The following DCC variants were observed in gnomAD, a reference collection of about 807,000 sequenced individuals.
DCC encodes DCC netrin 1 receptor.
Under a neutral mutation model 172.5 loss-of-function variants are expected in DCC, and 58 were observed. The ratio of observed to expected loss-of-function variants is 0.34; its 90% CI spans 0.27 to 0.42. The LOEUF (loss-of-function observed/expected upper bound fraction) is 0.42, where lower values mean the gene tolerates loss of function less well. DCC is among the 10% of genes least tolerant of loss of function. DCC has a pLI of 1.00. For synonymous variants in DCC, 709 were observed against 644.5 expected (o/e 1.10, Z -1.52); for missense variants, 1,740 against 1,791.0 (o/e 0.97, Z 0.51).
intron 1 of DCC, among the ~76,000 whole-genome samples, chr18:52,741,032 C>T (rs1451277510): frequency 2.0e-5 from 3 of 152,156 alleles, no homozygotes; most frequent in Non-Finnish European, 4.4e-5. Context: ...TAACGAGGGG[C>T]AGATCAGACA....
chr18:52,379,937 A>G (rs1215278903), intron 1 of DCC, among the ~76,000 whole-genome samples: 1 of 152,120 alleles, frequency 6.6e-6, no homozygotes, highest in Admixed American at 6.5e-5. Flanking sequence ...ATAGAAATTG[A>G]TTTCTCATAG....
intron 1 of DCC, among the ~76,000 whole-genome samples, chr18:52,495,154 G>C (rs1422022346): frequency 6.6e-6 from 1 of 152,074 alleles, no homozygotes. Flanking sequence ...CCAAAGGACT[G>C]TCAGAAAACT....
chr18:52,879,412 C>CTTTTTTGTTTTTTTTTTTTTTTTT (rs2039448543), intron 2 of DCC, among the ~76,000 whole-genome samples: 1 of 62,356 alleles, frequency 1.6e-5, no homozygotes, highest in Non-Finnish European at 2.9e-5. Context: ...TGTTGTTTGG[C>CTTTTTTGTTTTTTTTTTTTTTTTT]TTTTTTTTTT....
At chr18:52,652,972 G>A (rs2035172232) in intron 1 of DCC, among the ~76,000 whole-genome samples, 1 of 152,024 alleles carries the variant, frequency 6.6e-6, no homozygotes, top group Non-Finnish European at 1.5e-5. Context: ...AGGGGAAAGG[G>A]TATATCAATT....
At chr18:53,013,267 A>G (rs1202633981) in intron 5 of DCC, among the ~76,000 whole-genome samples, 3 of 152,178 alleles carry the variant, frequency 2.0e-5, no homozygotes, top group African/African-American at 2.4e-5. Flanking sequence ...TTGCAGCACT[A>G]TTTACAATAG....
chr18:53,393,635 T>C (rs1005290829), intron 17 of DCC, among the ~76,000 whole-genome samples: 1 of 152,264 alleles, frequency 6.6e-6, no homozygotes, highest in Non-Finnish European at 1.5e-5. Flanking sequence ...ACTTTGTAGA[T>C]ACATTCATTT....
intron 9 of DCC, among the ~76,000 whole-genome samples, chr18:53,183,274 T>G (rs1256690572): frequency 6.6e-6 from 1 of 152,160 alleles, no homozygotes; most frequent in Non-Finnish European, 1.5e-5. Flanking sequence ...AGATCCAGTT[T>G]ATGAAATAAT....
chr18:52,902,580 G>A (rs887373923), intron 2 of DCC, among the ~76,000 whole-genome samples: 2 of 152,120 alleles, frequency 1.3e-5, no homozygotes, highest in Admixed American at 6.5e-5. Flanking sequence ...CGAAAATATA[G>A]TATTTCATAC....
chr18:52,918,865 T>C (rs1433973504), intron 3 of DCC, among the ~76,000 whole-genome samples: 5 of 152,116 alleles, frequency 3.3e-5, no homozygotes, highest in African/African-American at 7.2e-5. Flanking sequence ...GTTTCTGAGA[T>C]CTTGGTTTCA....
chr18:53,413,055 T>A (rs559948335), intron 20 of DCC, among the ~76,000 whole-genome samples: 1 of 152,158 alleles, frequency 6.6e-6, no homozygotes, highest in African/African-American at 2.4e-5. Context: ...GGAAGACTTA[T>A]GTCTATCTCT....
rs1342216343 is a variant in DCC, at chr18:53,339,696, C to T, written c.2165-17C>T. On this transcript the variant is annotated splice_polypyrimidine_tract_variant and intron_variant, in intron 14 of 28. Coordinates refer to ENST00000442544, the MANE Select transcript of DCC (RefSeq NM_005215.4). ...CTGTTATGAGACATGCTGATGATGC[C>T]TCTTTTTGAATGCTAGAATCTCAAG... 6 of 1,609,094 alleles carry T rather than the reference C, an allele frequency of 3.7e-6. No homozygotes were observed. The African/African-American group carries it at 5.3e-5, about 14-fold the overall frequency.
intron 1 of DCC, among the ~76,000 whole-genome samples, chr18:52,661,498 G>A (rs960270458): frequency 6.6e-5 from 10 of 152,178 alleles, no homozygotes; most frequent in East Asian, 5.8e-4. Flanking sequence ...CACAGCCGTC[G>A]CTATCCTCTG....
At chr18:52,677,192 A>G (rs2035660189) in intron 1 of DCC, among the ~76,000 whole-genome samples, 1 of 152,192 alleles carries the variant, frequency 6.6e-6, no homozygotes, top group Non-Finnish European at 1.5e-5. Context: ...CTTTGAATGA[A>G]TTCTTTAATC....
At chr18:53,351,443 G>GTATATATATATA (rs10671545) in intron 15 of DCC, among the ~76,000 whole-genome samples, 1 of 31,908 alleles carries the variant, frequency 3.1e-5, no homozygotes, top group African/African-American at 1.3e-4. Context: ...TATATACAGT[G>GTATATATATATA]TATATATATA....
At chr18:52,637,249 C>A (rs561145761) in intron 1 of DCC, among the ~76,000 whole-genome samples, 14 of 152,214 alleles carry the variant, frequency 9.2e-5, no homozygotes, top group African/African-American at 3.1e-4. Context: ...GGTAATATGA[C>A]AAAACAAGGC....
intron 13 of DCC, among the ~76,000 whole-genome samples, chr18:53,317,083 T>A (rs2057352149): frequency 6.6e-6 from 1 of 152,250 alleles, no homozygotes; most frequent in African/African-American, 2.4e-5. Context: ...TGTGTGTCTG[T>A]CATAAGTAGC....
At chr18:53,002,290 C>T (rs1318970765) in intron 5 of DCC, among the ~76,000 whole-genome samples, 1 of 152,258 alleles carries the variant, frequency 6.6e-6, no homozygotes, top group Middle Eastern at 3.4e-3. Context: ...AAGTAATCCT[C>T]ATCATCACGA....
chr18:52,533,708 T>C (rs1598893670), intron 1 of DCC, among the ~76,000 whole-genome samples: 1 of 152,196 alleles, frequency 6.6e-6, no homozygotes, highest in African/African-American at 2.4e-5. Context: ...CATTTCCATA[T>C]ATTTTTGTAT....
intron 27 of DCC, among the ~76,000 whole-genome samples, chr18:53,500,621 A>T (rs889931831): frequency 1.3e-5 from 2 of 151,714 alleles, no homozygotes; most frequent in Non-Finnish European, 2.9e-5. Flanking sequence ...ACATTAGTTG[A>T]TTTGTACACA....
Sources: gnomAD v4.1 joint callset for allele counts (sites outside exome capture counted in the v4.1 genomes callset) on GRCh38, gnomAD v4.1.1 for gene constraint, MANE v1.5 for transcripts, NCBI Gene and HGNC (gene_info 2026-07-23, HGNC 2026-07-21) for gene names.